The following JPH3 variants were observed in gnomAD, a reference collection of about 807,000 sequenced individuals.
The protein encoded by JPH3 is junctophilin 3, also known as junctophilin-3.
Under a neutral mutation model 59.6 loss-of-function variants are expected in JPH3, and 11 were observed. The ratio of observed to expected loss-of-function variants is 0.18; its 90% CI spans 0.12 to 0.31. The LOEUF (loss-of-function observed/expected upper bound fraction) is 0.31. Among genes scored for constraint, JPH3 ranks in the 10% least tolerant of loss-of-function variants. The pLI is 1.00. For missense variants in JPH3, 1,202 were observed against 1,105.7 expected (o/e 1.09, Z -1.24); for synonymous variants, 673 against 483.6 (o/e 1.39, Z -5.14).
At position 87,665,847 on chromosome 16, in the gene JPH3, G is replaced by A. The variant is rs530477058; in HGVS notation, c.1161-18295G>A. On this transcript the variant is annotated intron_variant, in intron 2 of 4. Coordinates refer to ENST00000284262, the MANE Select transcript of JPH3 (RefSeq NM_020655.4). ...TGCTTCCCAGAATGTTCTGTCCCTG[G>A]TTGGAACACTGGTCCCTGGGACACA... is the stretch of plus-strand genomic sequence containing the variant. 3.3e-5 allele frequency among the ~76,000 whole-genome samples: 5 copies of A among 152,294 alleles called. No homozygotes were observed. The South Asian group carries it at 1.0e-3, about 32-fold the overall frequency.
chr16:87,662,907 C>G (rs1160536510), intron 2 of JPH3, among the ~76,000 whole-genome samples: 2 of 152,214 alleles, frequency 1.3e-5, no homozygotes, highest in African/African-American at 4.8e-5. Context: ...GCACCGGCTC[C>G]TTTCACGGAC....
At chr16:87,688,851 G>A (rs72810184) in intron 3 of JPH3, among the ~76,000 whole-genome samples, 11,978 of 152,260 alleles carry the variant, frequency 0.079, 670 homozygotes, top group Non-Finnish European at 0.11. Flanking sequence ...GTGTCCCTGC[G>A]TTGGCAGGAA....
At chr16:87,625,956 G>A (rs1006812016) in intron 1 of JPH3, among the ~76,000 whole-genome samples, 1 of 152,212 alleles carries the variant, frequency 6.6e-6, no homozygotes, top group African/African-American at 2.4e-5. Flanking sequence ...CACGTTCCAC[G>A]GGACAGGCCA....
At chr16:87,615,680 C>T (rs1402991312) in intron 1 of JPH3, among the ~76,000 whole-genome samples, 1 of 152,176 alleles carries the variant, frequency 6.6e-6, no homozygotes, top group Non-Finnish European at 1.5e-5. Context: ...CTCCCTGACC[C>T]GGGCTGCCCA....
In JPH3 at chr16:87,673,723, C is replaced by T. The variant is rs142730309; in HGVS notation, c.1161-10419C>T. Among the ~76,000 whole-genome samples, 197 of 151,966 alleles carry T rather than the reference C, an allele frequency of 1.3e-3. 1 individual carries two copies. The highest frequency in any genetic ancestry group is 4.5e-3 in the African/African-American group (187 of 41,460). ...AGAGGATCACCTGAGGTCAGGAGTTCGAGACCAGCCTGACCAACATGGCGA... is the reference window on the plus strand; with the variant it reads ...AGAGGATCACCTGAGGTCAGGAGTTTGAGACCAGCCTGACCAACATGGCGA... On this transcript the variant is annotated intron_variant, in intron 2 of 4. Transcript: ENST00000284262.
chr16:87,695,120 CTG>C (rs1332409526), intron 4 of JPH3: 2 of 359,326 alleles, frequency 5.6e-6, no homozygotes, highest in African/African-American at 4.3e-5. Context: ...CTTCCAGTCT[CTG>C]GGAGAGGAGC....
intron 1 of JPH3, among the ~76,000 whole-genome samples, chr16:87,610,174 C>T (rs1056321219): frequency 1.3e-5 from 2 of 152,208 alleles, no homozygotes; most frequent in East Asian, 1.9e-4. Context: ...GTAATGCAAG[C>T]GTTGGAGAGC....
chr16:87,675,385 C>G (rs1484228279), intron 2 of JPH3, among the ~76,000 whole-genome samples: 1 of 152,194 alleles, frequency 6.6e-6, no homozygotes, highest in Non-Finnish European at 1.5e-5. Flanking sequence ...ACCAGCCTCC[C>G]CGTCCAGCCT....
chr16:87,652,824 C>T (rs1048371640), intron 2 of JPH3, among the ~76,000 whole-genome samples: 1 of 152,234 alleles, frequency 6.6e-6, no homozygotes, highest in Admixed American at 6.5e-5. Flanking sequence ...CGTGTGAATG[C>T]AGCCTTGACT....
intron 1 of JPH3, among the ~76,000 whole-genome samples, chr16:87,634,288 C>A (rs1343959489): frequency 6.6e-6 from 1 of 152,246 alleles, no homozygotes; most frequent in Admixed American, 6.5e-5. Context: ...GGGGTCTGTT[C>A]CGGGGCATCC....
intron 2 of JPH3, among the ~76,000 whole-genome samples, chr16:87,672,261 G>C (rs1483600604): frequency 6.6e-6 from 1 of 152,120 alleles, no homozygotes. Context: ...GGAGCCCTGC[G>C]CTTTGTCATG....
At chr16:87,682,454 G>A (rs1160465040) in intron 2 of JPH3, among the ~76,000 whole-genome samples, 1 of 152,088 alleles carries the variant, frequency 6.6e-6, no homozygotes, top group Non-Finnish European at 1.5e-5. Flanking sequence ...GGAGGTGATG[G>A]GGCTGAGGAC....
intron 1 of JPH3, among the ~76,000 whole-genome samples, chr16:87,621,775 G>A (rs1395908631): frequency 1.3e-5 from 2 of 152,212 alleles, no homozygotes; most frequent in Non-Finnish European, 2.9e-5. Flanking sequence ...GGTGGGTGGT[G>A]GGGAGGGGAC....
chr16:87,637,698 C>A (rs558795842), intron 1 of JPH3, among the ~76,000 whole-genome samples: 41 of 152,134 alleles, frequency 2.7e-4, no homozygotes, highest in Non-Finnish European at 4.7e-4. Flanking sequence ...GGAGTCTATG[C>A]TTGAAGGCCA....
chr16:87,612,369 CCCA>C (rs1296135613), intron 1 of JPH3, among the ~76,000 whole-genome samples: 1 of 152,080 alleles, frequency 6.6e-6, no homozygotes, highest in Non-Finnish European at 1.5e-5. Context: ...AAGCGATCCG[CCCA>C]CCTTGGCCTC....
In JPH3 at chr16:87,697,054, T is replaced by C. The variant is rs922950760; in HGVS notation, c.*394T>C. On this transcript the variant is annotated 3_prime_UTR_variant, in exon 5 of 5. Coordinates refer to ENST00000284262, the MANE Select transcript of JPH3 (RefSeq NM_020655.4). Reference sequence around the variant, plus strand: ...GGCAGAGCCTCAGCCCCGCGGCCCCTGAGTGGCAGGGCTGACTCCCGTCGA... The same window carrying C: ...GGCAGAGCCTCAGCCCCGCGGCCCCCGAGTGGCAGGGCTGACTCCCGTCGA... The C allele has an allele frequency of 1.1e-5, 3 of 267,384 alleles. No homozygotes were observed. Among genetic ancestry groups the C allele is most frequent in the Non-Finnish European group, 2.2e-5 (3 of 135,940 alleles). 16.6% of individuals were successfully genotyped at this position (267,384 alleles called of 1,614,324 possible). A position where few individuals can be genotyped will look rare whatever the true frequency, so the allele number is the denominator to read the frequency against.
At chr16:87,618,610 G>A (rs139394478) in intron 1 of JPH3, among the ~76,000 whole-genome samples, 10 of 152,298 alleles carry the variant, frequency 6.6e-5, no homozygotes, top group East Asian at 1.9e-4. Context: ...ACTCGTTCCC[G>A]CCAGCAGCAT....
intron 1 of JPH3, chr16:87,604,272 G>T (rs1328380038): frequency 6.8e-7 from 1 of 1,460,996 alleles, no homozygotes; most frequent in South Asian, 1.2e-5. Flanking sequence ...GCCGGGGCCG[G>T]AAGCCAGGGA....
intron 1 of JPH3, among the ~76,000 whole-genome samples, chr16:87,641,538 G>A (rs865913334): frequency 6.6e-6 from 1 of 152,176 alleles, no homozygotes; most frequent in Non-Finnish European, 1.5e-5. Context: ...ATTCGGCCCC[G>A]TCCTCTGCTG....
Sources: allele counts gnomAD v4.1 joint callset (sites outside exome capture counted in the v4.1 genomes callset), GRCh38; gene constraint gnomAD v4.1.1; transcripts MANE v1.5; gene names NCBI Gene and HGNC (gene_info 2026-07-23, HGNC 2026-07-21).